LRMDA: variants seen among roughly 807,000 people sequenced by gnomAD.
LRMDA encodes leucine rich melanocyte differentiation associated, also known as leucine-rich melanocyte differentiation-associated protein.
In LRMDA, 18 loss-of-function variants were observed where a neutral mutation model predicts 29.8. That is an observed-to-expected ratio of 0.60 (90% CI 0.42 to 0.90). The LOEUF is 0.90. LRMDA is among the 40% of genes least tolerant of loss of function. The probability of loss-of-function intolerance (pLI) is 0.00; values close to 1 mark genes in which losing one functional copy is unlikely to be tolerated. For synonymous variants in LRMDA, 125 were observed against 109.4 expected, an observed-to-expected ratio of 1.14 and a Z score of -0.89; for missense variants, 273 against 273.9, an observed-to-expected ratio of 1.00 and a Z score of 0.02.
chr10:75,506,413 C>G (rs1049105264), intron 2 of LRMDA, among the ~76,000 whole-genome samples: 4 of 152,182 alleles, frequency 2.6e-5, no homozygotes, highest in African/African-American at 9.7e-5. Flanking sequence ...TGCCTTTTTA[C>G]CCTGTGCTTA....
chr10:75,625,934 C>T (rs981329509), intron 2 of LRMDA, among the ~76,000 whole-genome samples: 1 of 151,984 alleles, frequency 6.6e-6, no homozygotes, highest in African/African-American at 2.4e-5. Flanking sequence ...TCACTGCAGC[C>T]TTGACCTCCT....
At chr10:75,852,542 C>CA (rs201320353) in intron 2 of LRMDA, among the ~76,000 whole-genome samples, 16 of 37,034 alleles carry the variant, frequency 4.3e-4, no homozygotes, top group Admixed American at 9.6e-4. Flanking sequence ...ACAACAACAA[C>CA]AAAAAAAACA....
intron 2 of LRMDA, among the ~76,000 whole-genome samples, chr10:76,024,054 C>T (rs77479353): frequency 6.6e-6 from 1 of 152,300 alleles, no homozygotes; most frequent in African/African-American, 2.4e-5. Flanking sequence ...GCTCACAAAA[C>T]CAGGACTTGA....
At chr10:75,539,193 A>C (rs781550618) in intron 2 of LRMDA, among the ~76,000 whole-genome samples, 2 of 152,092 alleles carry the variant, frequency 1.3e-5, no homozygotes, top group African/African-American at 4.8e-5. Context: ...TTCTGGTGTC[A>C]GTCAAATTAT....
rs547689074 is a variant in LRMDA at position 76,225,930 on chromosome 10, A to G, written c.517-98471A>G. On this transcript the variant is annotated intron_variant, in intron 5 of 6. Coordinates refer to ENST00000611255, the MANE Select transcript of LRMDA (RefSeq NM_001305581.2). Reference sequence around the variant, plus strand: ...TGTGATGTTCCCCTTCCTGTGTCCAAATGTTCCTATTGTTCAATTCCCGCC... The same window carrying G: ...TGTGATGTTCCCCTTCCTGTGTCCAGATGTTCCTATTGTTCAATTCCCGCC... 1.9e-3 allele frequency among the ~76,000 whole-genome samples: 248 copies of G among 129,172 alleles called. 1 individual carries two copies. The Middle Eastern group carries it at 0.021, about 11-fold the overall frequency. The allele number at this position is 129,172 out of a possible 152,430, so 84.7% of individuals were successfully genotyped here.
chr10:75,633,405 A>G (rs1430653938), intron 2 of LRMDA, among the ~76,000 whole-genome samples: 1 of 152,166 alleles, frequency 6.6e-6, no homozygotes, highest in Admixed American at 6.5e-5. Flanking sequence ...ATTTGAGTGT[A>G]CTTTTCTCCA....
chr10:75,837,274 C>T (rs1276969831), intron 2 of LRMDA, among the ~76,000 whole-genome samples: 1 of 152,116 alleles, frequency 6.6e-6, no homozygotes, highest in Non-Finnish European at 1.5e-5. Flanking sequence ...ATAGTCACTA[C>T]TCCTGTATTT....
chr10:76,284,131 A>G (rs1161520070), intron 5 of LRMDA, among the ~76,000 whole-genome samples: 1 of 152,224 alleles, frequency 6.6e-6, no homozygotes, highest in East Asian at 1.9e-4. Context: ...CTGAATAACA[A>G]TCATCCGAAT....
chr10:76,208,426 A>G (rs751669596), intron 5 of LRMDA, among the ~76,000 whole-genome samples: 7 of 152,198 alleles, frequency 4.6e-5, no homozygotes, highest in African/African-American at 1.4e-4. Context: ...GTATTTTGGG[A>G]TAAAAACTAT....
chr10:76,369,934 A>G (rs1841433578), intron 6 of LRMDA, among the ~76,000 whole-genome samples: 1 of 152,144 alleles, frequency 6.6e-6, no homozygotes, highest in Non-Finnish European at 1.5e-5. Flanking sequence ...TTGAAGAAGT[A>G]TTGAAGAGTA....
intron 2 of LRMDA, among the ~76,000 whole-genome samples, chr10:75,520,726 GGCGAGGA>G (rs1394863473): frequency 1.6e-4 from 24 of 152,190 alleles, no homozygotes; most frequent in Admixed American, 1.2e-3. Flanking sequence ...TTCTGTTGCT[GGCGAGGA>G]GCTGTGATCC....
intron 2 of LRMDA, among the ~76,000 whole-genome samples, chr10:76,023,416 G>A (rs1251010741): frequency 6.6e-6 from 1 of 152,160 alleles, no homozygotes; most frequent in Non-Finnish European, 1.5e-5. Flanking sequence ...CTTGAGGCTT[G>A]AAACATGCCC....
intron 6 of LRMDA, among the ~76,000 whole-genome samples, chr10:76,526,875 AT>A (rs1245767564): frequency 1.3e-5 from 2 of 149,364 alleles, no homozygotes; most frequent in Non-Finnish European, 3.0e-5. Flanking sequence ...GATATACCTA[AT>A]GCTAGATGAC....
chr10:75,783,054 C>A (rs953883838), intron 2 of LRMDA: 1 of 1,613,212 alleles, frequency 6.2e-7, no homozygotes, highest in Non-Finnish European at 8.5e-7. Context: ...ATCAAAGAGT[C>A]GGTCTTTTCT....
At chr10:75,712,653 C>T (rs1297902288) in intron 2 of LRMDA, among the ~76,000 whole-genome samples, 1 of 152,130 alleles carries the variant, frequency 6.6e-6, no homozygotes, top group Admixed American at 6.5e-5. Flanking sequence ...AAAGTATGCC[C>T]GCCCTCAGCT....
intron 5 of LRMDA, among the ~76,000 whole-genome samples, chr10:76,267,928 C>G (rs542525512): frequency 6.6e-6 from 1 of 152,144 alleles, no homozygotes; most frequent in African/African-American, 2.4e-5. Flanking sequence ...AATTAATGTT[C>G]ATGAAGTCCA....
intron 5 of LRMDA, among the ~76,000 whole-genome samples, chr10:76,180,277 CTTTTTTTTTTTTT>C (rs34563574): frequency 8.9e-5 from 8 of 89,868 alleles, no homozygotes; most frequent in South Asian, 4.8e-4. Context: ...TTGGAAAAAA[CTTTTTTTTTTTTT>C]TTTTTTTTTT....
At chr10:76,018,779 G>C (rs528611557) in intron 2 of LRMDA, among the ~76,000 whole-genome samples, 12 of 152,196 alleles carry the variant, frequency 7.9e-5, no homozygotes, top group African/African-American at 2.7e-4. Flanking sequence ...TGTTGGCCAG[G>C]ATGGTCTTGA....
At chr10:75,582,087 G>C (rs1048631967) in intron 2 of LRMDA, among the ~76,000 whole-genome samples, 4 of 152,198 alleles carry the variant, frequency 2.6e-5, no homozygotes, top group Non-Finnish European at 4.4e-5. Flanking sequence ...GGCTGGCATT[G>C]AGTATCTGCA....
Sources: gnomAD v4.1 joint callset for allele counts (sites outside exome capture counted in the v4.1 genomes callset) on GRCh38, gnomAD v4.1.1 for gene constraint, MANE v1.5 for transcripts, NCBI Gene and HGNC (gene_info 2026-07-23, HGNC 2026-07-21) for gene names.